Variants in NSL1 observed in about 807,000 individuals in gnomAD.
NSL1 encodes kinetochore-associated protein NSL1 homolog.
In NSL1, 11 loss-of-function variants were observed where a neutral mutation model predicts 25.4. The observed-to-expected ratio is 0.43, with a 90% CI of 0.27 to 0.72. NSL1 has a LOEUF of 0.72. Ranked by LOEUF, NSL1 falls within the 30% of genes least tolerant of loss-of-function variation. NSL1 has a pLI of 0.19. For synonymous variants in NSL1, 118 were observed against 120.6 expected, an observed-to-expected ratio of 0.98 and a Z score of 0.14; for missense variants, 330 against 342.7, an observed-to-expected ratio of 0.96 and a Z score of 0.29.
chr1:212,757,147 G>A (rs986475871), intron 4 of NSL1, among the ~76,000 whole-genome samples: 1 of 152,178 alleles, frequency 6.6e-6, no homozygotes, highest in Non-Finnish European at 1.5e-5. Context: ...GGGCCAGTGT[G>A]TTCTTGGTAT....
In NSL1 at chr1:212,791,572, C is replaced by T; in HGVS notation, c.192G>A (p.Leu64=). The T allele has an allele frequency of 6.2e-7, 1 of 1,613,864 alleles. No individual in the cohort carries two copies. Among genetic ancestry groups the T allele is most frequent in the South Asian group, 1.1e-5 (1 of 91,090 alleles). ...GAGCGGGCTCCCGAATCTCCTCCGG[C>T]AGAGCGTCCCCGAGCTTTTGCACGA... ...GRFVQKLGDA[L]PEEIREPALR... is the part of the protein sequence containing the mutation. Residue 64 remains leucine (L), a synonymous_variant, in exon 1 of 6, where the codon CTG becomes CTA. Transcript: ENST00000366977.
At chr1:212,778,713 C>T (rs1407772452) in intron 4 of NSL1, among the ~76,000 whole-genome samples, 2 of 152,070 alleles carry the variant, frequency 1.3e-5, no homozygotes, top group African/African-American at 4.8e-5. Flanking sequence ...CAATGGTGCC[C>T]AGGCTGGAGT....
intron 4 of NSL1, among the ~76,000 whole-genome samples, chr1:212,781,655 A>G (rs1056809795): frequency 4.4e-4 from 67 of 152,364 alleles, no homozygotes; most frequent in African/African-American, 1.4e-3. Flanking sequence ...AATATCCCAT[A>G]TAAATAAATC....
At chr1:212,745,991 A>G (rs1658773242) in intron 4 of NSL1, among the ~76,000 whole-genome samples, 1 of 152,106 alleles carries the variant, frequency 6.6e-6, no homozygotes, top group African/African-American at 2.4e-5. Flanking sequence ...AACAAACAAA[A>G]CAAAACAACT....
chr1:212,747,829 G>C (rs1486682071), intron 4 of NSL1, among the ~76,000 whole-genome samples: 6 of 151,156 alleles, frequency 4.0e-5, no homozygotes, highest in African/African-American at 1.5e-4. Flanking sequence ...GCAGTGGTGT[G>C]ATCTCGGCTC....
intron 4 of NSL1, among the ~76,000 whole-genome samples, chr1:212,780,257 A>G (rs1660661701): frequency 6.6e-6 from 1 of 152,098 alleles, no homozygotes; most frequent in Admixed American, 6.5e-5. Flanking sequence ...GGTTAAATGG[A>G]TTAAGGGTGG....
Position 212,774,785 on chromosome 1 carries a change from C to T in NSL1, c.499+7587G>A, listed in dbSNP as rs139144287. On this transcript the variant is annotated intron_variant, in intron 4 of 5. Coordinates refer to ENST00000366977, the MANE Select transcript of NSL1 (RefSeq NM_015471.4). ...CAGTCTGGCAGTTCCTCAAAAGCTA[C>T]ATAAAGAGTTGCCACATGACTCAGC... Among the ~76,000 whole-genome samples the T allele has an allele frequency of 3.5e-3, 533 of 152,300 alleles. 7 individuals carry two copies. Among genetic ancestry groups the T allele is most frequent in the African/African-American group, 0.012 (510 of 41,572 alleles).
In NSL1 at chr1:212,749,617, T is replaced by A. The variant is rs141731536; in HGVS notation, c.500-10016A>T. 3.0e-4 allele frequency among the ~76,000 whole-genome samples: 46 copies of A among 152,250 alleles called. No homozygotes were observed. The East Asian group carries it at 8.1e-3, about 27-fold the overall frequency. On this transcript the variant is annotated intron_variant, in intron 4 of 5. Coordinates refer to ENST00000366977, the MANE Select transcript of NSL1 (RefSeq NM_015471.4). Reference sequence around the variant, plus strand: ...TTTATTTTTTAATTAACAGCACTGATAACCATATTCACTGATTTGTGAAGC... The same window carrying A: ...TTTATTTTTTAATTAACAGCACTGAAAACCATATTCACTGATTTGTGAAGC...
intron 4 of NSL1, among the ~76,000 whole-genome samples, chr1:212,757,926 T>C (rs1286568174): frequency 1.3e-5 from 2 of 152,224 alleles, no homozygotes; most frequent in East Asian, 1.9e-4. Flanking sequence ...ATTTGAAATA[T>C]GTTTCCAAGG....
chr1:212,727,855 T>C lies in NSL1; in HGVS notation c.*10553A>G, dbSNP rs750807767. The C allele has an allele frequency of 3.0e-6, 3 of 985,050 alleles. No homozygotes were observed. The highest frequency in any genetic ancestry group is 3.6e-6 in the Non-Finnish European group (3 of 829,622). 61.0% of individuals were successfully genotyped at this position (985,050 alleles called of 1,614,324 possible). On this transcript the variant is annotated 3_prime_UTR_variant, in exon 6 of 6. Coordinates refer to ENST00000366977, the MANE Select transcript of NSL1 (RefSeq NM_015471.4). ...TCACTATTCGTTAACTGCTGGGAAA[T>C]TTAAAAATGTTTGTTGATACTCTCT... is the stretch of plus-strand genomic sequence containing the variant.
At chr1:212,753,223 A>T (rs1659149384) in intron 4 of NSL1, among the ~76,000 whole-genome samples, 1 of 152,196 alleles carries the variant, frequency 6.6e-6, no homozygotes, top group African/African-American at 2.4e-5. Context: ...CACCTCTCTT[A>T]AGGCACACTT....
At position 212,735,003 on chromosome 1, in the gene NSL1, T is replaced by C. The variant is rs1404175145; in HGVS notation, c.*3405A>G. ...AGTCTAAGGCCTTCACATTATGAAC[T>C]CATTTACTTCTCAGAATAACGCTAT... On this transcript the variant is annotated 3_prime_UTR_variant, in exon 6 of 6. Transcript: ENST00000366977. Among the ~76,000 whole-genome samples the C allele has an allele frequency of 6.6e-6, 1 of 152,228 alleles. No homozygotes were observed. The highest frequency in any genetic ancestry group is 2.4e-5 in the African/African-American group (1 of 41,460).
Position 212,727,273 on chromosome 1 carries a change from G to A in NSL1, c.*11135C>T. The stretch of plus-strand genomic sequence containing the variant: ...AAGACTTGCCTTGAGACTCAGAGCT[G>A]TTTCACAACCCTTTGTTCCAGGCAG... On this transcript the variant is annotated 3_prime_UTR_variant, in exon 6 of 6. Transcript: ENST00000366977. The A allele has an allele frequency of 2.2e-6, 3 of 1,358,712 alleles. No homozygotes were observed. Among genetic ancestry groups the A allele is most frequent in the Non-Finnish European group, 2.9e-6 (3 of 1,048,440 alleles). 84.2% of individuals were successfully genotyped at this position (1,358,712 alleles called of 1,614,324 possible).
rs941100443 is a variant in NSL1, at chr1:212,737,613, C to T, written c.*795G>A. 3.5e-5 allele frequency: 33 copies of T among 950,774 alleles called. No individual in the cohort carries two copies. The African/African-American group carries it at 5.0e-4, about 14-fold the overall frequency. The allele number at this position is 950,774 out of a possible 1,614,324, so 58.9% of individuals were successfully genotyped here. On this transcript the variant is annotated 3_prime_UTR_variant, in exon 6 of 6. Coordinates refer to ENST00000366977, the MANE Select transcript of NSL1 (RefSeq NM_015471.4). ...GAAATAGTTCAATAACACAATGACA[C>T]TTTGCCAGTGTATTAATCTGATATA... is the stretch of plus-strand genomic sequence containing the variant.
chr1:212,760,192 G>C lies in NSL1; in HGVS notation c.500-20591C>G, dbSNP rs1347896423. ...GAGCTTAACAGCAGGTCCAGCCTGT[G>C]GGCCACTGGTACCTGAGCACACTAA... On this transcript the variant is annotated intron_variant, in intron 4 of 5. Coordinates refer to ENST00000366977, the MANE Select transcript of NSL1 (RefSeq NM_015471.4). This position sits in a 1 kb window ranked among gnomAD's most constrained non-coding sequence, Gnocchi z 4.3. 6.6e-6 allele frequency among the ~76,000 whole-genome samples: 1 copy of C among 152,040 alleles called. No individual in the cohort carries two copies. The highest frequency in any genetic ancestry group is 1.5e-5 in the Non-Finnish European group (1 of 67,990).
Position 212,781,925 on chromosome 1 carries a change from A to G in NSL1, c.499+447T>C, listed in dbSNP as rs1162034306. The G allele has an allele frequency of 1.4e-5, 5 of 366,732 alleles. No individual in the cohort carries two copies. In the East Asian group the frequency reaches 3.6e-4, roughly 26 times the overall value. The allele number at this position is 366,732 out of a possible 1,614,324, so 22.7% of individuals were successfully genotyped here. A position where few individuals can be genotyped will look rare whatever the true frequency, so the allele number is the denominator to read the frequency against. ...CAAAACTGAGTTCAAAGGCATAATG[A>G]GTATACTTATTTCTTCTTAAATTCA... On this transcript the variant is annotated intron_variant, in intron 4 of 5. Transcript: ENST00000366977.
Position 212,728,954 on chromosome 1 carries a change from T to C in NSL1, c.*9454A>G, listed in dbSNP as rs1252090785. On this transcript the variant is annotated 3_prime_UTR_variant, in exon 6 of 6. Transcript: ENST00000366977. ...TTTGAACGTTTGTTCCCTTTGAATA[T>C]GAAAGAAAAAGAAATGAGGAGTAAT... The C allele has an allele frequency of 3.0e-6, 3 of 985,212 alleles. No homozygotes were observed. Among genetic ancestry groups the C allele is most frequent in the Non-Finnish European group, 2.4e-6 (2 of 829,908 alleles). The allele number at this position is 985,212 out of a possible 1,614,324, so 61.0% of individuals were successfully genotyped here. A position where few individuals can be genotyped will look rare whatever the true frequency, so the allele number is the denominator to read the frequency against.
intron 4 of NSL1, among the ~76,000 whole-genome samples, chr1:212,778,829 G>A (rs1304379745): frequency 1.3e-5 from 2 of 152,138 alleles, no homozygotes; most frequent in African/African-American, 4.8e-5. Context: ...ACCCCGTCTG[G>A]GAAGTGAGGA....
intron 4 of NSL1, among the ~76,000 whole-genome samples, chr1:212,746,408 G>T (rs1321907998): frequency 6.6e-6 from 1 of 151,838 alleles, no homozygotes; most frequent in Non-Finnish European, 1.5e-5. Context: ...AAACCCCTAA[G>T]AACTATACAG....
Sources: gnomAD v4.1 joint callset for allele counts (sites outside exome capture counted in the v4.1 genomes callset) on GRCh38, gnomAD v4.1.1 for gene constraint, Gnocchi (gnomAD v3.1) non-coding constraint, MANE v1.5 for transcripts, NCBI Gene and HGNC (gene_info 2026-07-23, HGNC 2026-07-21) for gene names.